The following IQCH variants were observed in gnomAD, a reference collection of about 807,000 sequenced individuals.
IQCH encodes the protein IQ domain-containing protein H.
In IQCH, 98 loss-of-function variants were observed where a neutral mutation model predicts 117.0. The observed-to-expected ratio is 0.84, with a 90% CI of 0.71 to 0.99. The LOEUF (loss-of-function observed/expected upper bound fraction) is 0.99, where lower values mean the gene tolerates loss of function less well. IQCH is among the 50% of genes least tolerant of loss of function. The pLI is 0.00. For synonymous variants in IQCH, 412 were observed against 448.2 expected, an observed-to-expected ratio of 0.92 and a Z score of 1.02; for missense variants, 1,102 against 1,243.8, an observed-to-expected ratio of 0.89 and a Z score of 1.72.
intron 4 of IQCH, among the ~76,000 whole-genome samples, chr15:67,288,480 T>G (rs1346346376): frequency 6.6e-6 from 1 of 152,138 alleles, no homozygotes; most frequent in East Asian, 1.9e-4. Flanking sequence ...TTTTGCTGAA[T>G]TAACCCATTT....
At chr15:67,336,891 A>G in intron 4 of IQCH, 84 bp from the exon 5 acceptor site, 1 of 1,368,816 alleles carries the variant, frequency 7.3e-7, no homozygotes, top group Admixed American at 2.0e-5. Context: ...GCAACTATTC[A>G]TAACTTTATT....
In IQCH at chr15:67,413,853, T is replaced by C. The variant is rs936685760; in HGVS notation, c.2098-3078T>C. Among the ~76,000 whole-genome samples the C allele has an allele frequency of 6.6e-6, 1 of 152,192 alleles. No individual in the cohort carries two copies. The highest frequency in any genetic ancestry group is 1.5e-5 in the Non-Finnish European group (1 of 68,030). ...GCAGCCGACTTTCCTCTAGGAAATT[T>C]ACCTCCTTACTGGGGCTTTGTGCAC... On this transcript the variant is annotated intron_variant, in intron 14 of 20. Transcript: ENST00000335894. The surrounding 1 kb of genome is among the most constrained non-coding windows in gnomAD (Gnocchi z 5.0).
intron 16 of IQCH, among the ~76,000 whole-genome samples, chr15:67,452,223 C>T (rs533424445): frequency 1.9e-4 from 29 of 152,290 alleles, no homozygotes; most frequent in Middle Eastern, 6.8e-3. Flanking sequence ...AGCCCATTTA[C>T]ATTTAAAGTT....
At position 67,384,975 on chromosome 15, in the gene IQCH, A is replaced by G. The variant is rs1162989345; in HGVS notation, c.1412A>G (p.Asn471Ser). ...QPVREHIADF[N>S]TQQNMQLGRL... is the part of the protein sequence containing the mutation. ...GTGAGAGAACATATTGCCGATTTCAACACACAGCAGAACATGCAGCTGGGG... is the reference window on the plus strand; with the variant it reads ...GTGAGAGAACATATTGCCGATTTCAGCACACAGCAGAACATGCAGCTGGGG... The change falls in exon 11 of 21, where the codon AAC becomes AGC. Residue 471 changes from asparagine (N) to serine (S), a missense_variant. Asn to Ser is a conservative substitution (Grantham distance 46). Coordinates refer to ENST00000335894, the MANE Select transcript of IQCH (RefSeq NM_001031715.3). The surrounding 1 kb of genome is among the most constrained non-coding windows in gnomAD (Gnocchi z 4.3). 1.2e-6 allele frequency: 2 copies of G among 1,612,452 alleles called. No individual in the cohort carries two copies. Among genetic ancestry groups the G allele is most frequent in the Non-Finnish European group, 1.7e-6 (2 of 1,178,790 alleles).
rs146186256 is a variant in IQCH, at chr15:67,400,156, A to C, written c.1948A>C (p.Ile650Leu). The C allele has an allele frequency of 6.2e-7, 1 of 1,613,952 alleles. No individual in the cohort carries two copies. The highest frequency in any genetic ancestry group is 1.3e-5 in the African/African-American group (1 of 75,060). The change falls in exon 14 of 21, where the codon ATA becomes CTA. Residue 650 changes from isoleucine to leucine, a missense_variant. Physicochemically the swap from Ile to Leu is conservative, Grantham distance 5. Transcript: ENST00000335894. ...TCAGCTGATAACTGATCACCTGCAAATACAGCGTTGGCTCTTTAAAATGGA... is the reference window on the plus strand; with the variant it reads ...TCAGCTGATAACTGATCACCTGCAACTACAGCGTTGGCTCTTTAAAATGGA... The part of the protein sequence containing the change: ...LSQLITDHLQ[I>L]QRWLFKMDSE...
At chr15:67,448,620 A>G (rs1236420660) in intron 16 of IQCH, among the ~76,000 whole-genome samples, 1 of 151,722 alleles carries the variant, frequency 6.6e-6, no homozygotes. Flanking sequence ...AATCCAGTCT[A>G]TCGTTGTTGG....
intron 8 of IQCH, chr15:67,371,495 A>G (rs1460613480): frequency 5.0e-6 from 8 of 1,592,558 alleles, no homozygotes; most frequent in Non-Finnish European, 6.0e-6. Flanking sequence ...ACTTAAGAAT[A>G]AAAGAACACG....
In IQCH at chr15:67,445,390, C is replaced by G. The variant is rs1258518847; in HGVS notation, c.2506-19737C>G. Among the ~76,000 whole-genome samples, 5 of 152,070 alleles carry G rather than the reference C, an allele frequency of 3.3e-5. No homozygotes were observed. Among genetic ancestry groups the G allele is most frequent in the Admixed American group, 2.0e-4 (3 of 15,258 alleles). ...TCTTTTCTTAAAGACTTTATCTTCC[C>G]CTGTCATGTTACATTCCTATCCCAC... On this transcript the variant is annotated intron_variant, in intron 16 of 20. Coordinates refer to ENST00000335894, the MANE Select transcript of IQCH (RefSeq NM_001031715.3). The surrounding 1 kb of genome is among the most constrained non-coding windows in gnomAD (Gnocchi z 4.3).
intron 14 of IQCH, among the ~76,000 whole-genome samples, chr15:67,412,206 C>A (rs1166604483): frequency 6.6e-6 from 1 of 152,168 alleles, no homozygotes. Context: ...TGTATTTTTT[C>A]TAGCACTTGT....
Position 67,391,327 on chromosome 15 carries a change from G to C in IQCH, c.1632+2321G>C, listed in dbSNP as rs1596302353. ...AAATTAAATTCTCACTTTCAAATCA[G>C]TTCTTGTTCATGTTTGGTAGTTGCT... is the stretch of plus-strand genomic sequence containing the variant. On this transcript the variant is annotated intron_variant, in intron 12 of 20. Coordinates refer to ENST00000335894, the MANE Select transcript of IQCH (RefSeq NM_001031715.3). This position sits in a 1 kb window ranked among gnomAD's most constrained non-coding sequence, Gnocchi z 4.3. Among the ~76,000 whole-genome samples, 1 of 152,114 alleles carries C rather than the reference G, an allele frequency of 6.6e-6. No homozygotes were observed. The highest frequency in any genetic ancestry group is 1.5e-5 in the Non-Finnish European group (1 of 68,026).
chr15:67,333,187 A>C (rs541798087), intron 4 of IQCH, among the ~76,000 whole-genome samples: 2 of 152,318 alleles, frequency 1.3e-5, no homozygotes, highest in South Asian at 4.1e-4. Flanking sequence ...ATTGGTGATT[A>C]AGTTTCAACA....
intron 16 of IQCH, among the ~76,000 whole-genome samples, chr15:67,434,623 G>T (rs915995868): frequency 2.6e-5 from 4 of 152,082 alleles, no homozygotes; most frequent in African/African-American, 9.7e-5. Flanking sequence ...CTCAGAAGTG[G>T]GATTGGTGGA....
chr15:67,468,431 T>G (rs1013626371), intron 17 of IQCH, among the ~76,000 whole-genome samples: 2 of 152,264 alleles, frequency 1.3e-5, no homozygotes, highest in Non-Finnish European at 2.9e-5. Flanking sequence ...AGAGTTTATG[T>G]GATGACTTTA....
At chr15:67,306,745 A>T in intron 4 of IQCH, 1 of 923,004 alleles carries the variant, frequency 1.1e-6, no homozygotes, top group Non-Finnish European at 1.7e-6. Flanking sequence ...AAAACATATT[A>T]AAAGTGAGAC....
Position 67,263,115 on chromosome 15 carries a change from G to T in IQCH, c.175-7G>T. The T allele has an allele frequency of 7.1e-7, 1 of 1,408,566 alleles. No homozygotes were observed. The highest frequency in any genetic ancestry group is 1.0e-6 in the Non-Finnish European group (1 of 995,666). 87.3% of individuals were successfully genotyped at this position (1,408,566 alleles called of 1,614,324 possible). A position where few individuals can be genotyped will look rare whatever the true frequency, so the allele number is the denominator to read the frequency against. On this transcript the variant is annotated splice_polypyrimidine_tract_variant and splice_region_variant and intron_variant, in intron 2 of 20. Coordinates refer to ENST00000335894, the MANE Select transcript of IQCH (RefSeq NM_001031715.3). ...TAATTGCCTAAACTTTGACATTTCT[G>T]TAACAGATTCACATTGAGAAGTATT...
intron 16 of IQCH, among the ~76,000 whole-genome samples, chr15:67,423,430 A>G (rs940793324): frequency 2.0e-5 from 3 of 151,964 alleles, no homozygotes; most frequent in Non-Finnish European, 2.9e-5. Context: ...TTAGCCGGGC[A>G]TAGTGGCATG....
rs1268149265 is a variant in IQCH at position 67,493,282 on chromosome 15, G to A, written c.2862-976G>A. On this transcript the variant is annotated intron_variant, in intron 19 of 20. Transcript: ENST00000335894. The surrounding 1 kb of genome is among the most constrained non-coding windows in gnomAD (Gnocchi z 5.1). ...GAGGCTTAGAGAGGGGCAATGATTT[G>A]CCTGGGTCACACAGTAGGTGGTCTG... Among the ~76,000 whole-genome samples the A allele has an allele frequency of 1.3e-5, 2 of 152,186 alleles. No individual in the cohort carries two copies. Among genetic ancestry groups the A allele is most frequent in the East Asian group, 3.8e-4 (2 of 5,198 alleles).
intron 4 of IQCH, among the ~76,000 whole-genome samples, chr15:67,323,239 A>ATTTT (rs578260011): frequency 1.4e-4 from 14 of 98,904 alleles, no homozygotes; most frequent in South Asian, 3.2e-4. Context: ...TTAGGGTTAC[A>ATTTT]TTTTTTTTTT....
chr15:67,419,592 C>A (rs2081672099), intron 15 of IQCH, among the ~76,000 whole-genome samples: 1 of 152,150 alleles, frequency 6.6e-6, no homozygotes, highest in African/African-American at 2.4e-5. Context: ...CTCGCTCTAT[C>A]ACCCAGACTG....
Sources: gnomAD v4.1 joint callset for allele counts (sites outside exome capture counted in the v4.1 genomes callset) on GRCh38, gnomAD v4.1.1 for gene constraint, Gnocchi (gnomAD v3.1) non-coding constraint, MANE v1.5 for transcripts, NCBI Gene and HGNC (gene_info 2026-07-23, HGNC 2026-07-21) for gene names.